The following ZRANB3 variants were observed in gnomAD, a reference collection of about 807,000 sequenced individuals.
ZRANB3 encodes the protein DNA annealing helicase and endonuclease ZRANB3.
ZRANB3 carries 125 observed loss-of-function variants against 133.8 expected under a neutral mutation model. That is an observed-to-expected ratio of 0.93 (90% CI 0.81 to 1.08). The LOEUF is 1.08. ZRANB3 is among the 50% of genes least tolerant of loss of function. The pLI, the probability that ZRANB3 is intolerant of heterozygous loss-of-function variation, is 0.00. For missense variants in ZRANB3, 1,229 were observed against 1,275.5 expected (o/e 0.96, Z 0.56); for synonymous variants, 387 against 432.7 (o/e 0.89, Z 1.31).
At chr2:135,423,318 C>T in intron 2 of ZRANB3, among the ~76,000 whole-genome samples, 1 of 152,146 alleles carries the variant, frequency 6.6e-6, no homozygotes, top group Non-Finnish European at 1.5e-5. Flanking sequence ...CCTGTAATCC[C>T]TGCTACTAGG....
intron 3 of ZRANB3, among the ~76,000 whole-genome samples, chr2:135,362,654 C>G (rs1685745220): frequency 6.6e-6 from 1 of 151,980 alleles, no homozygotes; most frequent in African/African-American, 2.4e-5. Context: ...AATATATGCC[C>G]CTTTTTATTT....
Position 135,384,823 on chromosome 2 carries a change from G to A in ZRANB3, c.180+5979C>T, listed in dbSNP as rs566685423. The stretch of plus-strand genomic sequence containing the variant: ...TCATGCTAAAAACTCTCAATAAATT[G>A]GGTATTGATGGGATGTATCTCAAAA... On this transcript the variant is annotated intron_variant, in intron 3 of 20. Transcript: ENST00000264159. 7.9e-5 allele frequency among the ~76,000 whole-genome samples: 12 copies of A among 151,760 alleles called. No homozygotes were observed. The East Asian group carries it at 2.3e-3, about 29-fold the overall frequency.
intron 12 of ZRANB3, among the ~76,000 whole-genome samples, chr2:135,259,576 G>A (rs1393301183): frequency 1.3e-5 from 2 of 151,938 alleles, no homozygotes; most frequent in Non-Finnish European, 2.9e-5. Context: ...GTGCCACCAC[G>A]CCCGGCTAAT....
intron 2 of ZRANB3, among the ~76,000 whole-genome samples, chr2:135,500,661 T>C (rs1692895959): frequency 6.6e-6 from 1 of 151,780 alleles, no homozygotes. Context: ...CTGGCAATGT[T>C]CTATTTCTCG....
At chr2:135,414,403 A>G (rs1480293062) in intron 2 of ZRANB3, among the ~76,000 whole-genome samples, 2 of 152,208 alleles carry the variant, frequency 1.3e-5, no homozygotes, top group Non-Finnish European at 2.9e-5. Context: ...AGAAGAGCTA[A>G]CTATCCTAAA....
At chr2:135,460,941 G>A (rs1690738601) in intron 2 of ZRANB3, among the ~76,000 whole-genome samples, 1 of 152,002 alleles carries the variant, frequency 6.6e-6, no homozygotes, top group African/African-American at 2.4e-5. Flanking sequence ...TTAACTAAAA[G>A]GCAATAAAAT....
intron 2 of ZRANB3, among the ~76,000 whole-genome samples, chr2:135,457,712 T>C (rs565951849): frequency 6.6e-6 from 1 of 152,220 alleles, no homozygotes; most frequent in South Asian, 2.1e-4. Context: ...TGGGTTATCT[T>C]TACACTTTAT....
intron 2 of ZRANB3, among the ~76,000 whole-genome samples, chr2:135,467,396 A>G (rs1691046297): frequency 6.6e-6 from 1 of 152,224 alleles, no homozygotes; most frequent in Non-Finnish European, 1.5e-5. Context: ...AATGTGCACA[A>G]GCAAAGCAGC....
At chr2:135,486,513 C>CT (rs538563741) in intron 2 of ZRANB3, among the ~76,000 whole-genome samples, 440 of 142,578 alleles carry the variant, frequency 3.1e-3, no homozygotes, top group South Asian at 0.015. Flanking sequence ...CCACTGAAGT[C>CT]TTTTTTTTTT....
chr2:135,318,778 C>T (rs1033322212), intron 6 of ZRANB3, among the ~76,000 whole-genome samples: 6 of 151,832 alleles, frequency 4.0e-5, no homozygotes, highest in Non-Finnish European at 5.9e-5. Context: ...AATTCAATGA[C>T]GTAAAAAGAA....
At position 135,531,201 on chromosome 2, in the gene ZRANB3, T is replaced by C. The variant is rs1245056208; in HGVS notation, c.-82A>G. On this transcript the variant is annotated 5_prime_UTR_variant, in exon 1 of 21. Transcript: ENST00000264159. ...TGGGAAAAGGTAGCTCTTTTACAAG[T>C]GGGCAAAATGGCTGTCCTCCTAGTT... 2.6e-5 allele frequency: 4 copies of C among 152,222 alleles called. No individual in the cohort carries two copies. The highest frequency in any genetic ancestry group is 9.7e-5 in the African/African-American group (4 of 41,432). 9.4% of individuals were successfully genotyped at this position (152,222 alleles called of 1,614,324 possible).
At chr2:135,301,132 T>G (rs1436464208) in intron 8 of ZRANB3, among the ~76,000 whole-genome samples, 1 of 151,884 alleles carries the variant, frequency 6.6e-6, no homozygotes, top group Non-Finnish European at 1.5e-5. Context: ...CACCTCAGCC[T>G]CTCAAGTAGC....
At chr2:135,374,749 G>A (rs906925308) in intron 3 of ZRANB3, among the ~76,000 whole-genome samples, 4 of 152,042 alleles carry the variant, frequency 2.6e-5, no homozygotes, top group African/African-American at 4.8e-5. Flanking sequence ...TGATCTGGCC[G>A]CCTTGGCCTC....
chr2:135,283,781 A>C (rs903551049), intron 8 of ZRANB3, among the ~76,000 whole-genome samples: 1 of 152,062 alleles, frequency 6.6e-6, no homozygotes, highest in African/African-American at 2.4e-5. Flanking sequence ...ACAGACTTTA[A>C]AGTCTGTATC....
intron 8 of ZRANB3, among the ~76,000 whole-genome samples, chr2:135,298,627 T>C (rs895854650): frequency 1.3e-5 from 2 of 152,170 alleles, no homozygotes; most frequent in Non-Finnish European, 2.9e-5. Flanking sequence ...TACTGGCCTC[T>C]GGGCTGGTAC....
intron 3 of ZRANB3, among the ~76,000 whole-genome samples, chr2:135,370,922 T>A (rs888502946): frequency 6.6e-6 from 1 of 152,194 alleles, no homozygotes; most frequent in South Asian, 2.1e-4. Context: ...TTTATAAGCA[T>A]CTGGCATTTC....
chr2:135,202,900 C>G lies in ZRANB3; in HGVS notation c.3073G>C (p.Val1025Leu), dbSNP rs1490980420. 6.2e-7 allele frequency: 1 copy of G among 1,612,436 alleles called. No homozygotes were observed. Among genetic ancestry groups the G allele is most frequent in the East Asian group, 2.2e-5 (1 of 44,840 alleles). ...GAACACTGTCCTCCTCCCCCATACA[C>G]TGGCTTGATGTGATCCACCTGCCAG... ...HFWQVDHIKPVYGGGGQCSLD... is the reference protein window; with the variant it reads ...HFWQVDHIKPLYGGGGQCSLD... Residue 1025 changes from valine (V) to leucine (L), a missense_variant, in exon 20 of 21, where the codon GTG (valine) becomes CTG (leucine). Val to Leu is a conservative substitution (Grantham distance 32). Coordinates refer to ENST00000264159, the MANE Select transcript of ZRANB3 (RefSeq NM_032143.4).
chr2:135,207,194 T>A (rs28397854), intron 19 of ZRANB3, among the ~76,000 whole-genome samples: 15,065 of 140,166 alleles, frequency 0.11, 984 homozygotes, highest in South Asian at 0.3. Flanking sequence ...AAATAAATAA[T>A]AAATAAATAA....
chr2:135,266,625 C>T (rs780531587), intron 11 of ZRANB3, among the ~76,000 whole-genome samples: 2 of 151,880 alleles, frequency 1.3e-5, no homozygotes, highest in African/African-American at 4.8e-5. Context: ...ACCAGCTGGG[C>T]GTGGTGGCGG....
Sources: gnomAD v4.1 joint callset for allele counts (sites outside exome capture counted in the v4.1 genomes callset) on GRCh38, gnomAD v4.1.1 for gene constraint, MANE v1.5 for transcripts, NCBI Gene and HGNC (gene_info 2026-07-23, HGNC 2026-07-21) for gene names.